The following TSHR variants were observed in gnomAD, a reference collection of about 807,000 sequenced individuals.
The protein encoded by TSHR is thyrotropin receptor.
A neutral mutation model predicts 64.1 loss-of-function variants in TSHR; 51 were observed. That is an observed-to-expected ratio of 0.80 (90% CI 0.64 to 1.01). TSHR has a LOEUF of 1.01. Ranked by LOEUF, TSHR falls within the 50% of genes least tolerant of loss-of-function variation. TSHR has a pLI of 0.00. For missense variants in TSHR, 877 were observed against 942.8 expected, an observed-to-expected ratio of 0.93 and a Z score of 0.91; for synonymous variants, 361 against 361.9, an observed-to-expected ratio of 1.00 and a Z score of 0.03.
intron 1 of TSHR, among the ~76,000 whole-genome samples, chr14:80,997,809 G>T (rs1339397707): frequency 1.3e-5 from 2 of 152,222 alleles, no homozygotes; most frequent in East Asian, 1.9e-4. Flanking sequence ...GACAGGGCAG[G>T]TTAGTGTCTA....
intron 1 of TSHR, among the ~76,000 whole-genome samples, chr14:80,962,305 C>T (rs1022440210): frequency 3.9e-5 from 6 of 151,960 alleles, no homozygotes; most frequent in African/African-American, 1.5e-4. Context: ...ATTGCCATAA[C>T]AAAGTACCAC....
chr14:81,032,314 G>A (rs891868038), intron 1 of TSHR, among the ~76,000 whole-genome samples: 31 of 152,094 alleles, frequency 2.0e-4, no homozygotes, highest in Non-Finnish European at 2.5e-4. Flanking sequence ...ATGCCTTGAG[G>A]GAAGGTGTCA....
chr14:81,083,756 T>A (rs1305677877), intron 3 of TSHR, among the ~76,000 whole-genome samples: 1 of 152,234 alleles, frequency 6.6e-6, no homozygotes, highest in Non-Finnish European at 1.5e-5. Flanking sequence ...AAGAAATACC[T>A]GAGACTGGGT....
At chr14:81,005,248 C>T (rs976175073) in intron 1 of TSHR, among the ~76,000 whole-genome samples, 11 of 133,850 alleles carry the variant, frequency 8.2e-5, no homozygotes, top group Middle Eastern at 3.8e-3. Context: ...TGTGCACGCA[C>T]GCACGTGTAT....
intron 1 of TSHR, chr14:80,995,140 T>C (rs187780463): frequency 5.9e-5 from 9 of 152,308 alleles, no homozygotes; most frequent in African/African-American, 2.2e-4. Flanking sequence ...TCACTGATTA[T>C]TGGAGAAATG....
chr14:81,092,505 AG>A (rs1212442046), intron 5 of TSHR, 25 bp from the exon 6 acceptor site: 1 of 1,610,068 alleles, frequency 6.2e-7, no homozygotes, highest in African/African-American at 1.3e-5. Flanking sequence ...TTTTTCATTA[AG>A]TGTTTTTGTC....
rs571157418 is a variant in TSHR at position 81,071,364 on chromosome 14, G to T, written c.317+3036G>T. ...AATAGAATATCTTTTCAATACCCTG[G>T]CAAATTGTCATACTTCTTTCTAAGT... On this transcript the variant is annotated intron_variant, in intron 3 of 9. Transcript: ENST00000298171. 2.6e-5 allele frequency among the ~76,000 whole-genome samples: 4 copies of T among 152,128 alleles called. No individual in the cohort carries two copies. In the South Asian group the frequency reaches 8.3e-4, roughly 32 times the overall value.
chr14:81,135,694 G>A (rs904559918), intron 8 of TSHR, among the ~76,000 whole-genome samples: 2 of 152,218 alleles, frequency 1.3e-5, no homozygotes, highest in African/African-American at 4.8e-5. Flanking sequence ...GAAAGTGGTA[G>A]ATGGAAGACA....
chr14:81,088,025 T>C lies in TSHR; in HGVS notation c.389T>C (p.Phe130Ser). ...CTCAAAGAGCTCCCCCTCCTAAAGT[T>C]CCTGTAAGTATTAAATCCTCTCCCA... ...DALKELPLLK[F>S]LGIFNTGLKM... Residue 130 changes from phenylalanine (F) to serine (S), a missense_variant, in exon 4 of 10, where the codon TTC becomes TCC. By Grantham distance (155) the Phe-to-Ser change is radical (BLOSUM62 -2). Transcript: ENST00000298171. 4 of 1,612,520 alleles carry C rather than the reference T, an allele frequency of 2.5e-6. No individual in the cohort carries two copies. Among genetic ancestry groups the C allele is most frequent in the Non-Finnish European group, 3.4e-6 (4 of 1,178,598 alleles).
Position 81,104,954 on chromosome 14 carries a change from A to G in TSHR, c.615-3421A>G, listed in dbSNP as rs947478639. The G allele has an allele frequency of 1.1e-4, 113 of 985,272 alleles. No individual in the cohort carries two copies. The African/African-American group carries it at 1.8e-3, about 15-fold the overall frequency. 61.0% of individuals were successfully genotyped at this position (985,272 alleles called of 1,614,324 possible). A position where few individuals can be genotyped will look rare whatever the true frequency, so the allele number is the denominator to read the frequency against. On this transcript the variant is annotated intron_variant, in intron 7 of 9. Coordinates refer to ENST00000298171, the MANE Select transcript of TSHR (RefSeq NM_000369.5). ...AAGGAAATACCAGTTCTTTTCTCAT[A>G]AGCCCTTTCCAGCATAGATATTTAG...
intron 9 of TSHR, among the ~76,000 whole-genome samples, chr14:81,142,606 C>CTT (rs10711545): frequency 6.2e-5 from 6 of 97,232 alleles, no homozygotes; most frequent in Admixed American, 1.1e-4. Flanking sequence ...AACAAGCATT[C>CTT]TTTTTTTTTT....
intron 8 of TSHR, among the ~76,000 whole-genome samples, chr14:81,131,515 G>A (rs1201337266): frequency 1.3e-5 from 2 of 152,096 alleles, no homozygotes; most frequent in Non-Finnish European, 2.9e-5. Flanking sequence ...CTCCCAATAC[G>A]TCCGCTGACT....
At chr14:81,002,102 T>C (rs58417382) in intron 1 of TSHR, among the ~76,000 whole-genome samples, 49,967 of 152,036 alleles carry the variant, frequency 0.33, 8,638 homozygotes, top group East Asian at 0.56. Context: ...ATATTTACTA[T>C]AAAAATATCA....
At chr14:81,123,686 C>A (rs1481060266) in intron 8 of TSHR, among the ~76,000 whole-genome samples, 1 of 152,164 alleles carries the variant, frequency 6.6e-6, no homozygotes. Context: ...AACTTACCCA[C>A]TTAATCATTG....
Position 81,087,864 on chromosome 14 carries a change from C to T in TSHR, c.318-90C>T, listed in dbSNP as rs189539607. The T allele has an allele frequency of 3.8e-6, 4 of 1,065,510 alleles. No individual in the cohort carries two copies. In the East Asian group the frequency reaches 7.1e-5, roughly 19 times the overall value. The allele number at this position is 1,065,510 out of a possible 1,614,324, so 66.0% of individuals were successfully genotyped here. A position where few individuals can be genotyped will look rare whatever the true frequency, so the allele number is the denominator to read the frequency against. The stretch of plus-strand genomic sequence containing the variant: ...CGTAAATGCATATTTTTCTCATGAA[C>T]GTTTGTTAAAACTGATTTATGTTGT... On this transcript the variant is annotated intron_variant, in intron 3 of 9. Transcript: ENST00000298171.
At chr14:80,972,306 C>T (rs1340493388) in intron 1 of TSHR, among the ~76,000 whole-genome samples, 2 of 151,638 alleles carry the variant, frequency 1.3e-5, no homozygotes, top group African/African-American at 4.8e-5. Flanking sequence ...TTTTTTTGCT[C>T]AGTTATGTGT....
intron 1 of TSHR, among the ~76,000 whole-genome samples, chr14:80,967,854 G>A (rs1485639444): frequency 6.6e-6 from 1 of 152,164 alleles, no homozygotes; most frequent in Non-Finnish European, 1.5e-5. Context: ...AGGAGCAGAA[G>A]GTAGGATGGG....
chr14:81,071,174 T>C (rs543199222), intron 3 of TSHR, among the ~76,000 whole-genome samples: 32 of 148,228 alleles, frequency 2.2e-4, no homozygotes, highest in Admixed American at 4.7e-4. Context: ...TTAAAATTTC[T>C]CAGTCAGTTA....
chr14:81,044,742 A>G (rs1354925816), intron 1 of TSHR, among the ~76,000 whole-genome samples: 6 of 152,088 alleles, frequency 3.9e-5, no homozygotes, highest in African/African-American at 9.7e-5. Flanking sequence ...TAAAAAGTCA[A>G]AAAACAACAG....
Sources: allele counts gnomAD v4.1 joint callset (sites outside exome capture counted in the v4.1 genomes callset), GRCh38; gene constraint gnomAD v4.1.1; transcripts MANE v1.5; gene names NCBI Gene and HGNC (gene_info 2026-07-23, HGNC 2026-07-21).